FGF13: variants seen among roughly 807,000 people sequenced by gnomAD.
The protein encoded by FGF13 is fibroblast growth factor 13.
In FGF13, 2 loss-of-function variants were observed where a neutral mutation model predicts 19.5. The ratio of observed to expected loss-of-function variants is 0.10; its 90% CI spans 0.04 to 0.32. The LOEUF (loss-of-function observed/expected upper bound fraction) is 0.32, where lower values mean the gene tolerates loss of function less well. Ranked by LOEUF, FGF13 falls within the 10% of genes least tolerant of loss-of-function variation. FGF13 has a pLI of 1.00. For synonymous variants in FGF13, 72 were observed against 76.9 expected (o/e 0.94, Z 0.33); for missense variants, 113 against 192.7 (o/e 0.59, Z 2.45).
At chrX:138,951,596 T>A (rs893432722) in intron 1 of FGF13, among the ~76,000 whole-genome samples, 3 of 111,619 alleles carry the variant, frequency 2.7e-5, no homozygotes, top group Non-Finnish European at 5.7e-5. Context: ...AACAGATGCT[T>A]CACAAAGCAA....
At chrX:138,857,564 G>A in exon 3 of FGF13, 1 of 1,208,027 alleles carries the variant, frequency 8.3e-7, no homozygotes, top group Non-Finnish European at 1.1e-6. Flanking sequence ...GGCAGCAGAA[G>A]ATTTCGTGAC....
chrX:139,195,139 C>T (rs1485164236), intron 1 of FGF13, among the ~76,000 whole-genome samples: 1 of 105,145 alleles, frequency 9.5e-6, no homozygotes, highest in African/African-American at 3.5e-5. Context: ...TACACAGGAA[C>T]TGAGGGAGGC....
At chrX:138,721,536 G>T (rs1261757158) in intron 1 of FGF13, among the ~76,000 whole-genome samples, 4 of 110,296 alleles carry the variant, frequency 3.6e-5, no homozygotes, top group Non-Finnish European at 7.6e-5. Context: ...CTTCTGTTAG[G>T]TGCATCCTAC....
At chrX:138,973,425 T>C (rs1219442621) in intron 1 of FGF13, among the ~76,000 whole-genome samples, 2 of 112,271 alleles carry the variant, frequency 1.8e-5, no homozygotes, top group Non-Finnish European at 3.8e-5. Context: ...ATATATGACC[T>C]ATCCTGGAGA....
intron 1 of FGF13, among the ~76,000 whole-genome samples, chrX:138,985,243 G>A (rs1461051077): frequency 1.8e-5 from 2 of 112,423 alleles, no homozygotes; most frequent in East Asian, 5.6e-4. Context: ...CTGGATTTTG[G>A]TTTTGGTTTC....
At position 138,615,563 on chromosome X, in the gene FGF13, C is replaced by T. The variant is rs1180646987; in HGVS notation, c.*17287G>A. ...CCAGTGGACCCACTTGAGTGTACAT[C>T]ATGGCAGGAAAAAAAAATTGTTTCA... On this transcript the variant is annotated 3_prime_UTR_variant, in exon 5 of 5. Transcript: ENST00000315930. The T allele has an allele frequency of 9.1e-6, 1 of 109,833 alleles. No individual in the cohort carries two copies. The highest frequency in any genetic ancestry group is 1.9e-5 in the Non-Finnish European group (1 of 52,721). The allele number at this position is 109,833 out of a possible 1,213,427, so 9.1% of individuals were successfully genotyped here.
At chrX:138,876,842 A>C (rs1392666558) in intron 1 of FGF13, among the ~76,000 whole-genome samples, 2 of 112,460 alleles carry the variant, frequency 1.8e-5, no homozygotes, top group Non-Finnish European at 3.7e-5. Flanking sequence ...TATGTGGTCT[A>C]TAAAGATTAC....
At chrX:138,783,997 G>A (rs1304243332) in intron 3 of FGF13, among the ~76,000 whole-genome samples, 1 of 100,757 alleles carries the variant, frequency 9.9e-6, no homozygotes, top group Non-Finnish European at 2.0e-5. Context: ...AAAAAATGAT[G>A]AGTTCATGTC....
intron 1 of FGF13, among the ~76,000 whole-genome samples, chrX:138,914,625 C>T (rs773891999): frequency 2.4e-5 from 2 of 82,992 alleles, no homozygotes; most frequent in Admixed American, 2.9e-4. Context: ...AGTTTCGAAG[C>T]TTGTGTTGGA....
At chrX:139,056,880 TACA>T (rs2092321990) in intron 1 of FGF13, among the ~76,000 whole-genome samples, 2 of 112,151 alleles carry the variant, frequency 1.8e-5, no homozygotes, top group Admixed American at 9.5e-5. Context: ...CCTAGAAACT[TACA>T]ACTTTTTTCC....
rs200101015 is a variant in FGF13, at chrX:138,808,298, C to T, written c.217+49214G>A. On this transcript the variant is annotated intron_variant, in intron 3 of 6. Transcript: ENST00000436198. The stretch of plus-strand genomic sequence containing the variant: ...CAGGATTAAGAAACTCACTCAAAAC[C>T]GCTCAACTGCAAGGAAAGTGAACAA... 2.8e-4 allele frequency among the ~76,000 whole-genome samples: 31 copies of T among 111,869 alleles called. No individual in the cohort carries two copies. The East Asian group carries it at 4.5e-3, about 16-fold the overall frequency.
In FGF13 at chrX:139,174,441, C is replaced by T. The variant is rs1053871946; in HGVS notation, c.-113+28975G>A. 2.7e-5 allele frequency among the ~76,000 whole-genome samples: 3 copies of T among 111,979 alleles called. No homozygotes were observed. In the Admixed American group the frequency reaches 2.8e-4, roughly 11 times the overall value. On this transcript the variant is annotated intron_variant, in intron 1 of 2. Transcript: ENST00000421460. The stretch of plus-strand genomic sequence containing the variant: ...ATTTGTCAATTTTCGCTTTTGTTGC[C>T]ATTGCTTTTGGTATTTTAGTCATGA...
intron 3 of FGF13, among the ~76,000 whole-genome samples, chrX:138,843,025 T>C (rs1348263115): frequency 8.9e-6 from 1 of 111,799 alleles, no homozygotes; most frequent in African/African-American, 3.2e-5. Context: ...TATGAGAATG[T>C]GTTGCTTGAT....
At chrX:138,975,184 G>A (rs1286844133) in intron 1 of FGF13, among the ~76,000 whole-genome samples, 4 of 112,944 alleles carry the variant, frequency 3.5e-5, no homozygotes, top group Non-Finnish European at 7.5e-5. Context: ...GCACTTCACT[G>A]TATATAGAAA....
At chrX:138,976,816 C>T (rs188720927) in intron 1 of FGF13, among the ~76,000 whole-genome samples, 56 of 110,855 alleles carry the variant, frequency 5.1e-4, no homozygotes, top group African/African-American at 1.7e-3. Flanking sequence ...AAAATAGGCA[C>T]AATAACACAT....
At chrX:139,166,613 A>T (rs775084167) in intron 1 of FGF13, among the ~76,000 whole-genome samples, 1 of 111,055 alleles carries the variant, frequency 9.0e-6, no homozygotes, top group Non-Finnish European at 1.9e-5. Flanking sequence ...CCCACCCAAA[A>T]CTCATGTTGA....
At chrX:138,653,247 C>A (rs9698726) in intron 3 of FGF13, among the ~76,000 whole-genome samples, 11 of 110,962 alleles carry the variant, frequency 9.9e-5, no homozygotes, top group Admixed American at 8.7e-4. Context: ...AGATAATAAT[C>A]TTTTTAGAAA....
At chrX:139,108,940 T>C (rs1050286630) in intron 1 of FGF13, among the ~76,000 whole-genome samples, 3 of 108,428 alleles carry the variant, frequency 2.8e-5, no homozygotes, top group Non-Finnish European at 3.8e-5. Context: ...CATGCGATGT[T>C]TGATTTTCTG....
chrX:138,721,183 G>A (rs1308174151), intron 1 of FGF13, among the ~76,000 whole-genome samples: 1 of 111,519 alleles, frequency 9.0e-6, no homozygotes, highest in African/African-American at 3.3e-5. Flanking sequence ...TATAACTGGC[G>A]TGAGGTTGGA....
Sources: gnomAD v4.1 joint callset for allele counts (sites outside exome capture counted in the v4.1 genomes callset) on GRCh38, gnomAD v4.1.1 for gene constraint, MANE v1.5 for transcripts, NCBI Gene and HGNC (gene_info 2026-07-23, HGNC 2026-07-21) for gene names.